The following QKI variants were observed in gnomAD, a reference collection of about 807,000 sequenced individuals.
QKI encodes KH domain-containing RNA-binding protein QKI.
Under a neutral mutation model 39.0 loss-of-function variants are expected in QKI, and 10 were observed. The ratio of observed to expected loss-of-function variants is 0.26; its 90% CI spans 0.16 to 0.43. The LOEUF is 0.43. Among genes scored for constraint, QKI ranks in the 20% least tolerant of loss-of-function variants. The pLI is 1.00. For missense variants in QKI, 218 were observed against 428.0 expected (o/e 0.51, Z 4.33); for synonymous variants, 204 against 155.4 (o/e 1.31, Z -2.33).
At chr6:163,504,373 A>T (rs1026820308) in intron 3 of QKI, among the ~76,000 whole-genome samples, 1 of 152,106 alleles carries the variant, frequency 6.6e-6, no homozygotes, top group Non-Finnish European at 1.5e-5. Flanking sequence ...ATTTTAAAAT[A>T]GTTTTTTCTA....
chr6:163,561,502 G>A (rs1301199422), intron 4 of QKI, among the ~76,000 whole-genome samples: 4 of 152,088 alleles, frequency 2.6e-5, no homozygotes, highest in African/African-American at 9.7e-5. Context: ...CAGCTACTTC[G>A]GAGGCTGAGG....
chr6:163,514,595 G>A (rs1365331238), intron 3 of QKI, among the ~76,000 whole-genome samples: 1 of 152,102 alleles, frequency 6.6e-6, no homozygotes, highest in Non-Finnish European at 1.5e-5. Flanking sequence ...GGGATAAGCA[G>A]GTTGACCAAT....
At position 163,456,418 on chromosome 6, in the gene QKI, G is replaced by A. The variant is rs145969789; in HGVS notation, c.285+997G>A. On this transcript the variant is annotated intron_variant, in intron 2 of 7. Coordinates refer to ENST00000361752, the MANE Select transcript of QKI (RefSeq NM_006775.3). ...CACATAATAGGTAACAATACTTGTT[G>A]AATGAACCAAGAAAAGATGATGGCT... is the stretch of plus-strand genomic sequence containing the variant. Among the ~76,000 whole-genome samples, 211 of 152,212 alleles carry A rather than the reference G, an allele frequency of 1.4e-3. 1 individual carries two copies. The highest frequency in any genetic ancestry group is 4.7e-3 in the African/African-American group (197 of 41,524).
intron 1 of QKI, among the ~76,000 whole-genome samples, chr6:163,441,400 T>G (rs1313679825): frequency 6.6e-6 from 1 of 152,108 alleles, no homozygotes; most frequent in African/African-American, 2.4e-5. Context: ...CAAGAAATAT[T>G]TTTGGAGCTT....
chr6:163,497,062 G>A (rs1007964463), intron 3 of QKI, among the ~76,000 whole-genome samples: 12 of 152,178 alleles, frequency 7.9e-5, no homozygotes, highest in African/African-American at 2.9e-4. Flanking sequence ...CAGTAAATAT[G>A]TGTTGAAGGA....
intron 2 of QKI, 136 bp from the exon 3 acceptor site, chr6:163,478,644 G>T: frequency 1.6e-6 from 1 of 619,048 alleles, no homozygotes; most frequent in South Asian, 2.3e-5. Flanking sequence ...ATTCATAAGG[G>T]CTCTAGATTT....
At position 163,576,886 on chromosome 6, in the gene QKI, G is replaced by A. The variant is rs1266121294; in HGVS notation, c.*6176G>A. The A allele has an allele frequency of 6.6e-6, 1 of 152,152 alleles. No homozygotes were observed. Among genetic ancestry groups the A allele is most frequent in the African/African-American group, 2.4e-5 (1 of 41,442 alleles). 9.4% of individuals were successfully genotyped at this position (152,152 alleles called of 1,614,324 possible). ...GAGCATAACATTCACTCTGATTTTA[G>A]CCATTAAGGGAGATTAGTAAACAGA... On this transcript the variant is annotated 3_prime_UTR_variant, in exon 8 of 8. Coordinates refer to ENST00000361752, the MANE Select transcript of QKI (RefSeq NM_006775.3).
chr6:163,485,692 A>T (rs1247176735), intron 3 of QKI, among the ~76,000 whole-genome samples: 1 of 152,146 alleles, frequency 6.6e-6, no homozygotes, highest in African/African-American at 2.4e-5. Context: ...TATGCAGTTT[A>T]TCAAAGCCAT....
At position 163,572,882 on chromosome 6, in the gene QKI, G is replaced by T. The variant is rs1783786489; in HGVS notation, c.*2172G>T. The T allele has an allele frequency of 1.3e-5, 2 of 151,986 alleles. No homozygotes were observed. Among genetic ancestry groups the T allele is most frequent in the African/African-American group, 2.4e-5 (1 of 41,374 alleles). 9.4% of individuals were successfully genotyped at this position (151,986 alleles called of 1,614,324 possible). On this transcript the variant is annotated 3_prime_UTR_variant, in exon 8 of 8. Transcript: ENST00000361752. ...CTTTGGTTTAATATGCCACTGCTTTGTCTTTCTGTTACACATACAGTTTTG... is the reference window on the plus strand; with the variant it reads ...CTTTGGTTTAATATGCCACTGCTTTTTCTTTCTGTTACACATACAGTTTTG...
chr6:163,511,596 T>G (rs2128235194), intron 3 of QKI, among the ~76,000 whole-genome samples: 1 of 151,940 alleles, frequency 6.6e-6, no homozygotes, highest in African/African-American at 2.4e-5. Context: ...ATTAGACAAC[T>G]TAGTTGAAAA....
At chr6:163,555,509 C>CAAAAAA (rs55958646) in intron 4 of QKI, among the ~76,000 whole-genome samples, 9 of 79,376 alleles carry the variant, frequency 1.1e-4, no homozygotes, top group South Asian at 5.6e-4. Context: ...AACTCCAGCT[C>CAAAAAA]AAAAAAAAAA....
At chr6:163,452,269 G>A (rs11964510) in intron 1 of QKI, among the ~76,000 whole-genome samples, 4,756 of 152,260 alleles carry the variant, frequency 0.031, 241 homozygotes, top group African/African-American at 0.11. Context: ...TCAACAGTGA[G>A]TAAGATTTTT....
chr6:163,547,206 T>A (rs929072990), intron 4 of QKI, among the ~76,000 whole-genome samples: 9 of 152,172 alleles, frequency 5.9e-5, no homozygotes, highest in Admixed American at 3.3e-4. Context: ...CTTTCAAGCG[T>A]TGAACGACTG....
At chr6:163,419,653 G>C (rs1787833773) in intron 1 of QKI, among the ~76,000 whole-genome samples, 2 of 152,056 alleles carry the variant, frequency 1.3e-5, no homozygotes, top group Non-Finnish European at 2.9e-5. Context: ...TATCATTATG[G>C]GGCATTTATT....
chr6:163,488,319 C>T (rs1209715738), intron 3 of QKI, among the ~76,000 whole-genome samples: 3 of 150,162 alleles, frequency 2.0e-5, no homozygotes, highest in Non-Finnish European at 4.4e-5. Flanking sequence ...GCTTTGTTAA[C>T]AAAAAGTGAC....
intron 3 of QKI, among the ~76,000 whole-genome samples, chr6:163,505,132 C>T (rs1325376619): frequency 1.3e-5 from 2 of 152,140 alleles, no homozygotes; most frequent in African/African-American, 4.8e-5. Flanking sequence ...TGTGGGTGCA[C>T]AGAACACAAG....
chr6:163,500,558 A>G (rs984154436), intron 3 of QKI, among the ~76,000 whole-genome samples: 5 of 152,172 alleles, frequency 3.3e-5, no homozygotes, highest in African/African-American at 1.2e-4. Context: ...TTATATTTCC[A>G]ATTTCCTCAA....
intron 1 of QKI, chr6:163,415,835 G>A (rs936397239): frequency 4.2e-6 from 2 of 476,282 alleles, no homozygotes; most frequent in Non-Finnish European, 8.4e-6. Flanking sequence ...CCCCTCCCGT[G>A]AGGACTAAAG....
At chr6:163,538,892 T>C (rs1781355085) in intron 4 of QKI, among the ~76,000 whole-genome samples, 1 of 152,228 alleles carries the variant, frequency 6.6e-6, no homozygotes, top group African/African-American at 2.4e-5. Context: ...TTTACACTTT[T>C]ACAAGAGCAG....
Sources: allele counts gnomAD v4.1 joint callset (sites outside exome capture counted in the v4.1 genomes callset), GRCh38; gene constraint gnomAD v4.1.1; transcripts MANE v1.5; gene names NCBI Gene and HGNC (gene_info 2026-07-23, HGNC 2026-07-21).